The following SCHIP1 variants were observed in gnomAD, a reference collection of about 807,000 sequenced individuals.
SCHIP1 encodes the protein schwannomin interacting protein 1, also known as schwannomin-interacting protein 1.
A neutral mutation model predicts 29.7 loss-of-function variants in SCHIP1; 8 were observed. The ratio of observed to expected loss-of-function variants is 0.27; its 90% CI spans 0.16 to 0.49. The LOEUF is 0.49. SCHIP1 is among the 20% of genes least tolerant of loss of function. The pLI, the probability that SCHIP1 is intolerant of heterozygous loss-of-function variation, is 0.99. For synonymous variants in SCHIP1, 76 were observed against 94.9 expected (o/e 0.80, Z 1.16); for missense variants, 193 against 294.6 (o/e 0.66, Z 2.52).
At chr3:159,491,639 C>G in the SCHIP1 span, among the ~76,000 whole-genome samples, 1 of 152,238 alleles carries the variant, frequency 6.6e-6, no homozygotes, top group South Asian at 2.1e-4. Flanking sequence ...CACCACAGCT[C>G]AAGGAGGCCT....
chr3:159,807,132 C>T, the SCHIP1 span, among the ~76,000 whole-genome samples: 1 of 152,074 alleles, frequency 6.6e-6, no homozygotes, highest in Admixed American at 6.5e-5. Flanking sequence ...GATACATCGC[C>T]TTCTTGCAGA....
chr3:159,666,508 G>T, the SCHIP1 span, among the ~76,000 whole-genome samples: 7 of 152,092 alleles, frequency 4.6e-5, no homozygotes, highest in Non-Finnish European at 1.0e-4. Flanking sequence ...ATCTGAGGTG[G>T]TTTATAGTTA....
the SCHIP1 span, among the ~76,000 whole-genome samples, chr3:159,663,832 G>A: frequency 1.3e-5 from 2 of 152,108 alleles, no homozygotes; most frequent in Admixed American, 6.5e-5. Context: ...TACATTAATT[G>A]CATTTATCCA....
chr3:159,412,201 A>T, the SCHIP1 span, among the ~76,000 whole-genome samples: 1 of 152,192 alleles, frequency 6.6e-6, no homozygotes, highest in African/African-American at 2.4e-5. Context: ...GTGAAACAAG[A>T]TTTTGGACCC....
chr3:159,741,200 TAG>T, the SCHIP1 span, among the ~76,000 whole-genome samples: 6 of 152,074 alleles, frequency 3.9e-5, no homozygotes, highest in Non-Finnish European at 8.8e-5. Flanking sequence ...AATATAAAAA[TAG>T]AGAAGAATGA....
the SCHIP1 span, among the ~76,000 whole-genome samples, chr3:159,829,880 G>A: frequency 6.9e-3 from 1,047 of 152,312 alleles, 7 homozygotes; most frequent in African/African-American, 0.024. Flanking sequence ...TATCAAATGA[G>A]AAGGTACTGT....
chr3:159,692,902 A>G, the SCHIP1 span, among the ~76,000 whole-genome samples: 4 of 152,228 alleles, frequency 2.6e-5, no homozygotes, highest in Non-Finnish European at 5.9e-5. Context: ...TGTGGGACCC[A>G]TAGAGTTTTG....
At chr3:159,515,159 C>T in the SCHIP1 span, among the ~76,000 whole-genome samples, 1 of 151,912 alleles carries the variant, frequency 6.6e-6, no homozygotes, top group African/African-American at 2.4e-5. Flanking sequence ...TTCTGTCTTG[C>T]TCCCCTTTAG....
chr3:159,559,902 T>A, the SCHIP1 span, among the ~76,000 whole-genome samples: 1 of 152,208 alleles, frequency 6.6e-6, no homozygotes, highest in South Asian at 2.1e-4. Context: ...CAACAAAAAG[T>A]TAACATTCTT....
the SCHIP1 span, among the ~76,000 whole-genome samples, chr3:159,490,872 A>G: frequency 2.0e-5 from 3 of 152,160 alleles, no homozygotes; most frequent in Admixed American, 2.0e-4. Context: ...TGATTCAGTG[A>G]GTATGGCTCT....
At chr3:159,666,681 A>G in the SCHIP1 span, among the ~76,000 whole-genome samples, 10 of 152,250 alleles carry the variant, frequency 6.6e-5, no homozygotes, top group African/African-American at 2.2e-4. Flanking sequence ...GAGAAATACC[A>G]TAATTACATA....
the SCHIP1 span, among the ~76,000 whole-genome samples, chr3:159,576,596 A>T: frequency 6.6e-6 from 1 of 151,970 alleles, no homozygotes; most frequent in Non-Finnish European, 1.5e-5. Context: ...TATTTTCTCC[A>T]TCTTATATTT....
the SCHIP1 span, among the ~76,000 whole-genome samples, chr3:159,597,305 G>T: frequency 6.6e-6 from 1 of 152,180 alleles, no homozygotes; most frequent in African/African-American, 2.4e-5. Context: ...AGGCTATTTA[G>T]GGTGTCCATC....
At chr3:159,511,224 G>T in the SCHIP1 span, among the ~76,000 whole-genome samples, 50 of 152,340 alleles carry the variant, frequency 3.3e-4, no homozygotes, top group African/African-American at 1.2e-3. Flanking sequence ...AGGCTGCTGT[G>T]CTAGCAATGA....
chr3:159,493,337 G>A, the SCHIP1 span, among the ~76,000 whole-genome samples: 213 of 152,322 alleles, frequency 1.4e-3, 1 homozygote, highest in African/African-American at 4.9e-3. Context: ...ACCCATCAGT[G>A]TGCTGTATTC....
chr3:159,419,143 C>T, the SCHIP1 span, among the ~76,000 whole-genome samples: 2 of 152,244 alleles, frequency 1.3e-5, no homozygotes, highest in East Asian at 1.9e-4. Context: ...AAGAGCACCA[C>T]GAACTTGTGT....
the SCHIP1 span, among the ~76,000 whole-genome samples, chr3:159,504,503 C>T: frequency 6.6e-6 from 1 of 152,102 alleles, no homozygotes; most frequent in Non-Finnish European, 1.5e-5. Context: ...GAAACTAATT[C>T]CAATAAGTCT....
chr3:159,426,366 C>T, the SCHIP1 span, among the ~76,000 whole-genome samples: 1 of 152,118 alleles, frequency 6.6e-6, no homozygotes, highest in Non-Finnish European at 1.5e-5. Flanking sequence ...CCACCGATCC[C>T]ACAGACATAC....
the SCHIP1 span, among the ~76,000 whole-genome samples, chr3:159,607,680 G>A: frequency 2.0e-4 from 30 of 152,268 alleles, no homozygotes; most frequent in African/African-American, 6.7e-4. Flanking sequence ...AAACCTAAGC[G>A]TAGGAGGACT....
Sources: gnomAD v4.1 joint callset for allele counts (sites outside exome capture counted in the v4.1 genomes callset) on GRCh38, gnomAD v4.1.1 for gene constraint, MANE v1.5 for transcripts, NCBI Gene and HGNC (gene_info 2026-07-23, HGNC 2026-07-21) for gene names.